Variants in RTN4RL1 observed in about 807,000 individuals in gnomAD.
The protein encoded by RTN4RL1 is reticulon 4 receptor like 1, also known as reticulon-4 receptor-like 1.
Under a neutral mutation model 25.6 loss-of-function variants are expected in RTN4RL1, and 7 were observed. The observed-to-expected ratio is 0.27, with a 90% CI of 0.16 to 0.51. The LOEUF is 0.51. Among genes scored for constraint, RTN4RL1 ranks in the 20% least tolerant of loss-of-function variants. The pLI is 0.97. For missense variants in RTN4RL1, 500 were observed against 615.6 expected (o/e 0.81, Z 1.99); for synonymous variants, 297 against 288.2 (o/e 1.03, Z -0.31).
Position 1,954,114 on chromosome 17 carries a change from A to G in RTN4RL1, c.14-16306T>C, listed in dbSNP as rs568831456. ...GAATTTCCAAACTTCTTGTCATAGAACATGGTAGTATGTCCTCTTTCTGTT... is the reference window on the plus strand; with the variant it reads ...GAATTTCCAAACTTCTTGTCATAGAGCATGGTAGTATGTCCTCTTTCTGTT... On this transcript the variant is annotated intron_variant, in intron 1 of 1. Transcript: ENST00000331238. Among the ~76,000 whole-genome samples, 187 of 152,328 alleles carry G rather than the reference A, an allele frequency of 1.2e-3. 1 individual carries two copies. The highest frequency in any genetic ancestry group is 2.2e-3 in the Non-Finnish European group (147 of 68,032).
intron 1 of RTN4RL1, among the ~76,000 whole-genome samples, chr17:2,004,513 C>T (rs1046128024): frequency 6.6e-5 from 10 of 152,056 alleles, no homozygotes; most frequent in Non-Finnish European, 7.4e-5. Flanking sequence ...AAGAAGTGGC[C>T]GCCTGGAGTT....
chr17:1,988,541 A>G (rs1220834531), intron 1 of RTN4RL1, among the ~76,000 whole-genome samples: 1 of 151,022 alleles, frequency 6.6e-6, no homozygotes, highest in Non-Finnish European at 1.5e-5. Flanking sequence ...AAGAAAAAGA[A>G]AGAATTAAGT....
At chr17:1,999,241 T>G (rs974668837) in intron 1 of RTN4RL1, among the ~76,000 whole-genome samples, 1 of 143,626 alleles carries the variant, frequency 7.0e-6, no homozygotes, top group African/African-American at 2.6e-5. Flanking sequence ...AGATCAAGAG[T>G]TGGAGACCAT....
At chr17:1,954,847 T>A (rs991036782) in intron 1 of RTN4RL1, among the ~76,000 whole-genome samples, 8 of 152,214 alleles carry the variant, frequency 5.3e-5, no homozygotes, top group Admixed American at 3.9e-4. Context: ...CCAGGTGGCC[T>A]TATTGTGGGT....
At chr17:1,988,523 G>A (rs12325891) in intron 1 of RTN4RL1, among the ~76,000 whole-genome samples, 39,510 of 95,040 alleles carry the variant, frequency 0.42, 6,556 homozygotes, top group African/African-American at 0.54. Context: ...AAAAAAAAAA[G>A]AAAAGAAAAG....
chr17:1,996,846 C>G (rs866602100), intron 1 of RTN4RL1, among the ~76,000 whole-genome samples: 4 of 152,342 alleles, frequency 2.6e-5, no homozygotes, highest in South Asian at 4.1e-4. Flanking sequence ...ACGGGGGCCA[C>G]CCCAGCCTCT....
intron 1 of RTN4RL1, among the ~76,000 whole-genome samples, chr17:1,996,704 G>A (rs2066930822): frequency 6.6e-6 from 1 of 152,332 alleles, no homozygotes; most frequent in South Asian, 2.1e-4. Context: ...AAACAATAAA[G>A]CTGGTTACAA....
chr17:1,990,625 C>G (rs2066904678), intron 1 of RTN4RL1, among the ~76,000 whole-genome samples: 2 of 151,900 alleles, frequency 1.3e-5, no homozygotes, highest in South Asian at 2.1e-4. Context: ...CGCTTGAGCC[C>G]AGGAGGTTGA....
intron 1 of RTN4RL1, among the ~76,000 whole-genome samples, chr17:1,974,321 G>A (rs1045932173): frequency 6.6e-6 from 1 of 152,008 alleles, no homozygotes; most frequent in African/African-American, 2.4e-5. Flanking sequence ...AGCCCAGGAG[G>A]TGGAGGTTGC....
chr17:1,938,288 A>T (rs1227676009), intron 1 of RTN4RL1, among the ~76,000 whole-genome samples: 1 of 151,788 alleles, frequency 6.6e-6, no homozygotes, highest in Non-Finnish European at 1.5e-5. Flanking sequence ...CTATTTATTT[A>T]TTTTTATTTT....
intron 1 of RTN4RL1, among the ~76,000 whole-genome samples, chr17:1,965,821 G>A (rs1306373234): frequency 6.6e-6 from 1 of 152,116 alleles, no homozygotes; most frequent in Admixed American, 6.5e-5. Context: ...AGGACTCTCC[G>A]CCCTCGTCTG....
chr17:1,971,763 C>T (rs988013699), intron 1 of RTN4RL1, among the ~76,000 whole-genome samples: 1 of 151,960 alleles, frequency 6.6e-6, no homozygotes, highest in Non-Finnish European at 1.5e-5. Flanking sequence ...GAGATCGAGA[C>T]CATCCTAGCT....
chr17:1,936,127 C>A lies in RTN4RL1; in HGVS notation c.*369G>T. Reference sequence around the variant, plus strand: ...TTTCTCCAGGAACCACGGGGCCCTCCAGACCTCTCGGAACGATCGGGATTC... The same window carrying A: ...TTTCTCCAGGAACCACGGGGCCCTCAAGACCTCTCGGAACGATCGGGATTC... On this transcript the variant is annotated 3_prime_UTR_variant, in exon 2 of 2. Transcript: ENST00000331238. The A allele has an allele frequency of 9.5e-7, 1 of 1,057,052 alleles. No homozygotes were observed. The highest frequency in any genetic ancestry group is 3.9e-5 in the South Asian group (1 of 25,626). 65.5% of individuals were successfully genotyped at this position (1,057,052 alleles called of 1,614,324 possible). A position where few individuals can be genotyped will look rare whatever the true frequency, so the allele number is the denominator to read the frequency against.
At chr17:1,969,920 G>T (rs544421211) in intron 1 of RTN4RL1, among the ~76,000 whole-genome samples, 7 of 152,152 alleles carry the variant, frequency 4.6e-5, no homozygotes, top group Non-Finnish European at 5.9e-5. Context: ...CAGTCAGATG[G>T]TGGCAGGGGC....
chr17:1,937,450 C>T lies in RTN4RL1; in HGVS notation c.372G>A (p.Leu124=). Residue 124 remains leucine (L), a synonymous_variant, in exon 2 of 2, where the codon CTG becomes CTA. Transcript: ENST00000331238. ...AGAGGTAGAGGGCGTGAAGCTTCAC[C>T]AGGCCCTGGAAGGTCTCGGGTGCCA... is the stretch of plus-strand genomic sequence containing the variant. ...RTLAPETFQG[L]VKLHALYLYK... is the part of the protein sequence containing the mutation. The T allele has an allele frequency of 6.2e-7, 1 of 1,613,936 alleles. No homozygotes were observed. The highest frequency in any genetic ancestry group is 8.5e-7 in the Non-Finnish European group (1 of 1,179,888).
chr17:1,958,468 T>G (rs1055966828), intron 1 of RTN4RL1, among the ~76,000 whole-genome samples: 1 of 152,164 alleles, frequency 6.6e-6, no homozygotes, highest in African/African-American at 2.4e-5. Flanking sequence ...TGCTTCACAC[T>G]CATGAGGCCG....
At chr17:1,941,244 C>G (rs1915432605) in intron 1 of RTN4RL1, among the ~76,000 whole-genome samples, 1 of 152,192 alleles carries the variant, frequency 6.6e-6, no homozygotes. Context: ...AAAGCAGGTG[C>G]CTCCAAGGGA....
Position 2,012,168 on chromosome 17 carries a change from C to T in RTN4RL1, c.13+12685G>A, listed in dbSNP as rs1222230048. On this transcript the variant is annotated intron_variant, in intron 1 of 1. Coordinates refer to ENST00000331238, the MANE Select transcript of RTN4RL1 (RefSeq NM_178568.4). ...CCAGAGAGTGTCCATGAGAGGTTTC[C>T]GTTTGCCACGGAGTCGATAGTACAA... Among the ~76,000 whole-genome samples, 4 of 152,220 alleles carry T rather than the reference C, an allele frequency of 2.6e-5. No homozygotes were observed. The East Asian group carries it at 5.8e-4, about 22-fold the overall frequency.
Position 1,963,214 on chromosome 17 carries a change from A to G in RTN4RL1, c.14-25406T>C, listed in dbSNP as rs575938263. Reference sequence around the variant, plus strand: ...CTTCCCATTGGCCCTCCCCAGCCTCATCTTTCTGGGCTGAGCCACCAGCCC... The same window carrying G: ...CTTCCCATTGGCCCTCCCCAGCCTCGTCTTTCTGGGCTGAGCCACCAGCCC... On this transcript the variant is annotated intron_variant, in intron 1 of 1. Coordinates refer to ENST00000331238, the MANE Select transcript of RTN4RL1 (RefSeq NM_178568.4). 2.0e-5 allele frequency among the ~76,000 whole-genome samples: 3 copies of G among 152,230 alleles called. No individual in the cohort carries two copies. In the East Asian group the frequency reaches 5.8e-4, roughly 29 times the overall value.
Sources: allele counts gnomAD v4.1 joint callset (sites outside exome capture counted in the v4.1 genomes callset), GRCh38; gene constraint gnomAD v4.1.1; transcripts MANE v1.5; gene names NCBI Gene and HGNC (gene_info 2026-07-23, HGNC 2026-07-21).